PANK1: variants seen among roughly 807,000 people sequenced by gnomAD.
The protein encoded by PANK1 is pantothenic acid kinase 1.
A neutral mutation model predicts 40.1 loss-of-function variants in PANK1; 18 were observed. The observed-to-expected ratio is 0.45, with a 90% CI of 0.31 to 0.67. The LOEUF is 0.67. PANK1 is among the 30% of genes least tolerant of loss of function. PANK1 has a pLI of 0.06. For synonymous variants in PANK1, 242 were observed against 237.7 expected (o/e 1.02, Z -0.17); for missense variants, 457 against 599.6 (o/e 0.76, Z 2.48).
intron 2 of PANK1, among the ~76,000 whole-genome samples, chr10:89,609,226 G>T (rs1177279178): frequency 6.6e-6 from 1 of 152,034 alleles, no homozygotes; most frequent in Non-Finnish European, 1.5e-5. Flanking sequence ...CACCTCACCT[G>T]GCTTATTTTT....
At chr10:89,619,110 TG>T (rs1204805624) in intron 1 of PANK1, among the ~76,000 whole-genome samples, 2 of 152,248 alleles carry the variant, frequency 1.3e-5, no homozygotes, top group South Asian at 2.1e-4. Context: ...ATATAGGTCC[TG>T]TTATATTTAT....
chr10:89,609,330 C>T (rs938794196), intron 2 of PANK1, among the ~76,000 whole-genome samples: 11 of 152,242 alleles, frequency 7.2e-5, no homozygotes, highest in African/African-American at 2.7e-4. Flanking sequence ...TTCCAAAGTG[C>T]TGGGATTACA....
In PANK1 at chr10:89,593,246, G is replaced by T. The variant is rs1270517463; in HGVS notation, c.1151C>A (p.Thr384Asn). 2.5e-6 allele frequency: 4 copies of T among 1,613,606 alleles called. No individual in the cohort carries two copies. The Admixed American group carries it at 6.7e-5, about 27-fold the overall frequency. ...AATGGAGCCAATGTTGTTGGTGATG[G>T]TGACCAATGTGGCCCGGGCGAGGTC... is the stretch of plus-strand genomic sequence containing the variant. Reference protein sequence around the residue: ...KEDLARATLVTITNNIGSIAR... With the variant: ...KEDLARATLVNITNNIGSIAR... Residue 384 changes from threonine (T) to asparagine (N), a missense_variant, in exon 5 of 7, where the codon ACC becomes AAC. Physicochemically the swap from Thr to Asn is moderately conservative, Grantham distance 65. Around this residue, in one of 4 missense-constraint regions of PANK1, gnomAD observed 286 missense variants for 415.8 expected, o/e 0.69. Transcript: ENST00000307534.
At chr10:89,622,823 C>T (rs11185815) in intron 1 of PANK1, among the ~76,000 whole-genome samples, 47,358 of 148,720 alleles carry the variant, frequency 0.32, 7,542 homozygotes, top group Non-Finnish European at 0.35. Flanking sequence ...GGTGACAGAG[C>T]GAGACTCCAT....
At chr10:89,588,125 A>G (rs1476645302) in intron 6 of PANK1, among the ~76,000 whole-genome samples, 1 of 151,968 alleles carries the variant, frequency 6.6e-6, no homozygotes, top group Admixed American at 6.6e-5. Flanking sequence ...AATTCCATCC[A>G]TGTTGTTGCA....
intron 1 of PANK1, among the ~76,000 whole-genome samples, chr10:89,630,783 C>T (rs555933410): frequency 1.3e-5 from 2 of 152,274 alleles, no homozygotes; most frequent in East Asian, 1.9e-4. Context: ...TGAGCCACTG[C>T]GCCCGGCCTC....
chr10:89,617,205 T>C (rs908307180), intron 1 of PANK1, among the ~76,000 whole-genome samples: 5 of 152,240 alleles, frequency 3.3e-5, no homozygotes, highest in Non-Finnish European at 7.3e-5. Flanking sequence ...CAAAAGAACC[T>C]GGCCTATTCC....
chr10:89,592,586 G>T (rs1844430447), intron 5 of PANK1, among the ~76,000 whole-genome samples: 1 of 152,172 alleles, frequency 6.6e-6, no homozygotes, highest in African/African-American at 2.4e-5. Context: ...ATACCTCAGT[G>T]TGAAGAGTTC....
rs1564620190 is a variant in PANK1 at position 89,595,866 on chromosome 10, ATATATAT to A, written c.900-1884_900-1878del. Among the ~76,000 whole-genome samples, 100 of 117,748 alleles carry A rather than the reference ATATATAT, an allele frequency of 8.5e-4. 4 individuals are homozygous for A. The highest frequency in any genetic ancestry group is 4.8e-3 in the Middle Eastern group (1 of 210). 77.2% of individuals were successfully genotyped at this position (117,748 alleles called of 152,430 possible). ...TATATATATATATATATATATATATATATATATAACTTCATTTACTAATATATATATG... is the reference window on the plus strand; with the variant it reads ...TATATATATATATATATATATATATAAACTTCATTTACTAATATATATATG... On this transcript the variant is annotated intron_variant, in intron 3 of 6. Transcript: ENST00000307534.
At chr10:89,591,239 A>G (rs1265542248) in intron 5 of PANK1, among the ~76,000 whole-genome samples, 1 of 150,406 alleles carries the variant, frequency 6.6e-6, no homozygotes, top group African/African-American at 2.4e-5. Flanking sequence ...CGTACAATAA[A>G]AACAAACAAA....
At chr10:89,591,478 C>T (rs1844385460) in intron 5 of PANK1, among the ~76,000 whole-genome samples, 1 of 152,156 alleles carries the variant, frequency 6.6e-6, no homozygotes, top group Non-Finnish European at 1.5e-5. Context: ...AACGTGGTGT[C>T]CCTCAATGAA....
rs769658460 is a variant in PANK1 at position 89,645,168 on chromosome 10, G to C, written c.-277C>G. On this transcript the variant is annotated 5_prime_UTR_variant, in exon 1 of 7. Transcript: ENST00000307534. ...CGGGGATCCCCGCGCACCCCCAGCC[G>C]GGGCTCCCGCCGCCCGCCTTCCCCT... 4 of 1,552,762 alleles carry C rather than the reference G, an allele frequency of 2.6e-6. No individual in the cohort carries two copies. Among genetic ancestry groups the C allele is most frequent in the Non-Finnish European group, 3.5e-6 (4 of 1,153,360 alleles).
At chr10:89,639,921 G>T (rs1179756333) in intron 1 of PANK1, among the ~76,000 whole-genome samples, 1 of 152,196 alleles carries the variant, frequency 6.6e-6, no homozygotes, top group East Asian at 1.9e-4. Context: ...TTTTGCCAAA[G>T]GTGTACAGAT....
chr10:89,633,326 C>T (rs1383020844), intron 1 of PANK1, among the ~76,000 whole-genome samples: 2 of 152,110 alleles, frequency 1.3e-5, no homozygotes, highest in Non-Finnish European at 2.9e-5. Context: ...ATTAATGGTA[C>T]CCCTACCACT....
chr10:89,615,226 A>T (rs1845281791), intron 1 of PANK1, among the ~76,000 whole-genome samples: 1 of 152,252 alleles, frequency 6.6e-6, no homozygotes, highest in Non-Finnish European at 1.5e-5. Context: ...CAAGCTACGT[A>T]AACCCCAGAA....
chr10:89,612,328 T>C (rs1015013307), intron 1 of PANK1, among the ~76,000 whole-genome samples: 3 of 152,194 alleles, frequency 2.0e-5, no homozygotes, highest in Non-Finnish European at 2.9e-5. Context: ...CAGTCTCAAT[T>C]CCTGTGTGCT....
rs140589422 is a variant in PANK1 at position 89,599,380 on chromosome 10, A to G, written c.771T>C (p.Pro257=). The change falls in exon 3 of 7, where the codon CCT becomes CCC. Residue 257 remains proline, a synonymous_variant. Coordinates refer to ENST00000307534, the MANE Select transcript of PANK1 (RefSeq NM_148977.3). ...ECYYFENPTN[P]ELCQKKPYCL... ...AGTACGGCTTTTTTTGACACAATTC[A>G]GGATTTGTGGGATTTTCAAAATAGT... 1.9e-6 allele frequency: 3 copies of G among 1,613,894 alleles called. No homozygotes were observed. In the African/African-American group the frequency reaches 4.0e-5, roughly 22 times the overall value.
intron 5 of PANK1, among the ~76,000 whole-genome samples, chr10:89,589,245 T>C (rs1844296838): frequency 6.6e-6 from 1 of 152,174 alleles, no homozygotes; most frequent in Admixed American, 6.5e-5. Context: ...ACACTAGAAA[T>C]ACAAAGAAGA....
chr10:89,587,996 C>A (rs1230641087), intron 6 of PANK1, among the ~76,000 whole-genome samples: 1 of 151,814 alleles, frequency 6.6e-6, no homozygotes, highest in East Asian at 1.9e-4. Flanking sequence ...TACCCGCCAG[C>A]CTCTGTAACC....
Sources: allele counts gnomAD v4.1 joint callset (sites outside exome capture counted in the v4.1 genomes callset), GRCh38; gene constraint gnomAD v4.1.1; regional missense constraint gnomAD v4.1.1; transcripts MANE v1.5; gene names NCBI Gene and HGNC (gene_info 2026-07-23, HGNC 2026-07-21).